Variants in DLG2 observed in about 807,000 individuals in gnomAD.
DLG2 encodes the protein discs large MAGUK scaffold protein 2.
Under a neutral mutation model 132.5 loss-of-function variants are expected in DLG2, and 45 were observed. The observed-to-expected ratio is 0.34, with a 90% CI of 0.27 to 0.44. The LOEUF is 0.44. Ranked by LOEUF, DLG2 falls within the 20% of genes least tolerant of loss-of-function variation. The pLI, the probability that DLG2 is intolerant of heterozygous loss-of-function variation, is 1.00. For synonymous variants in DLG2, 424 were observed against 419.6 expected (o/e 1.01, Z -0.13); for missense variants, 1,045 against 1,196.9 (o/e 0.87, Z 1.87).
chr11:83,750,454 G>C (rs373846654), intron 18 of DLG2, among the ~76,000 whole-genome samples: 1 of 152,094 alleles, frequency 6.6e-6, no homozygotes, highest in Admixed American at 6.5e-5. Flanking sequence ...AGGACTTTTC[G>C]ATTAGATAAT....
intron 3 of DLG2, among the ~76,000 whole-genome samples, chr11:85,287,262 TCACAGCA>T (rs1308996183): frequency 5.3e-5 from 8 of 151,644 alleles, no homozygotes; most frequent in Non-Finnish European, 1.2e-4. Flanking sequence ...GAAGATAATT[TCACAGCA>T]CACAGACAAA....
At chr11:84,006,499 T>C (rs2094578602) in intron 11 of DLG2, among the ~76,000 whole-genome samples, 3 of 151,438 alleles carry the variant, frequency 2.0e-5, no homozygotes, top group African/African-American at 7.3e-5. Context: ...TACTTAAGTA[T>C]TTAACACTTT....
chr11:85,618,345 A>C (rs2153276018), intron 2 of DLG2, among the ~76,000 whole-genome samples: 2 of 152,368 alleles, frequency 1.3e-5, no homozygotes, highest in South Asian at 4.1e-4. Flanking sequence ...TTAAGAAATA[A>C]GCATATAAGG....
At chr11:84,260,297 T>C (rs1393365192) in intron 7 of DLG2, among the ~76,000 whole-genome samples, 1 of 152,174 alleles carries the variant, frequency 6.6e-6, no homozygotes, top group Admixed American at 6.5e-5. Flanking sequence ...CTTCACTTTA[T>C]AAGTTTTTTC....
intron 6 of DLG2, among the ~76,000 whole-genome samples, chr11:84,650,873 G>GTGTGTGTGTGTATATATA (rs1424393386): frequency 4.0e-5 from 5 of 124,008 alleles, no homozygotes; most frequent in African/African-American, 1.6e-4. Context: ...GTGTGTGTGT[G>GTGTGTGTGTGTATATATA]TATATATATA....
chr11:84,055,969 T>G (rs1402823566), intron 11 of DLG2, among the ~76,000 whole-genome samples: 2 of 152,136 alleles, frequency 1.3e-5, no homozygotes, highest in Non-Finnish European at 2.9e-5. Context: ...ATATACATAA[T>G]TCAATCCAGT....
chr11:85,257,104 T>A lies in DLG2; in HGVS notation c.186+28116A>T, dbSNP rs17743080. On this transcript the variant is annotated intron_variant, in intron 4 of 27. Coordinates refer to ENST00000376104, the MANE Select transcript of DLG2 (RefSeq NM_001142699.3). Reference sequence around the variant, plus strand: ...ATCATCTTAGCTAGATAAAGATTGATGCATGCTGTATAGACAGGGAATGAA... The same window carrying A: ...ATCATCTTAGCTAGATAAAGATTGAAGCATGCTGTATAGACAGGGAATGAA... 2.6e-5 allele frequency among the ~76,000 whole-genome samples: 4 copies of A among 152,318 alleles called. No homozygotes were observed. The East Asian group carries it at 5.8e-4, about 22-fold the overall frequency.
chr11:84,251,522 A>G (rs547289594), intron 7 of DLG2, among the ~76,000 whole-genome samples: 1 of 152,172 alleles, frequency 6.6e-6, no homozygotes, highest in Admixed American at 6.5e-5. Context: ...CATTCATATA[A>G]TTTACATTCA....
intron 7 of DLG2, among the ~76,000 whole-genome samples, chr11:84,505,182 A>G (rs1185264065): frequency 6.6e-6 from 1 of 152,160 alleles, no homozygotes; most frequent in Non-Finnish European, 1.5e-5. Flanking sequence ...GTAGTTCTGT[A>G]GCAATGCAAC....
intron 6 of DLG2, among the ~76,000 whole-genome samples, chr11:85,002,504 T>C (rs181297886): frequency 1.3e-3 from 193 of 152,316 alleles, no homozygotes; most frequent in African/African-American, 4.4e-3. Context: ...TCCATGATAA[T>C]TGATCTTTAA....
chr11:84,246,643 A>G (rs538560863), intron 8 of DLG2, among the ~76,000 whole-genome samples: 1 of 152,318 alleles, frequency 6.6e-6, no homozygotes, highest in Admixed American at 6.5e-5. Context: ...GGAAAAATAT[A>G]ATCATGTTAG....
intron 18 of DLG2, chr11:83,643,521 G>C (rs2067206916): frequency 6.6e-6 from 1 of 152,176 alleles, no homozygotes; most frequent in Non-Finnish European, 1.5e-5. Context: ...GCATCCACTA[G>C]GTAAGAAAAC....
chr11:84,834,749 T>G (rs2079501742), intron 6 of DLG2, among the ~76,000 whole-genome samples: 1 of 150,590 alleles, frequency 6.6e-6, no homozygotes, highest in Non-Finnish European at 1.5e-5. Context: ...TGTATGAGAT[T>G]TGGAGTACTA....
At chr11:84,352,934 C>T (rs1567375536) in intron 7 of DLG2, among the ~76,000 whole-genome samples, 1 of 152,158 alleles carries the variant, frequency 6.6e-6, no homozygotes, top group Non-Finnish European at 1.5e-5. Flanking sequence ...CTTCTGTTCT[C>T]TGGATCCTAC....
chr11:84,800,483 T>C (rs1000759067), intron 6 of DLG2: 5 of 152,190 alleles, frequency 3.3e-5, no homozygotes, highest in Non-Finnish European at 5.9e-5. Context: ...ATACTTGACA[T>C]TTTTTAAAAT....
chr11:83,475,902 T>C (rs894009378), intron 22 of DLG2, among the ~76,000 whole-genome samples: 13 of 152,090 alleles, frequency 8.5e-5, no homozygotes, highest in African/African-American at 3.1e-4. Context: ...GGCAACTGTA[T>C]GGCTGAAAGT....
At chr11:83,637,845 C>A (rs1216951176) in intron 18 of DLG2, among the ~76,000 whole-genome samples, 2 of 152,146 alleles carry the variant, frequency 1.3e-5, no homozygotes, top group Non-Finnish European at 2.9e-5. Flanking sequence ...TATCATTCTA[C>A]CTTCTGTATA....
chr11:84,959,087 A>T (rs1436124332), intron 6 of DLG2, among the ~76,000 whole-genome samples: 1 of 152,144 alleles, frequency 6.6e-6, no homozygotes, highest in Non-Finnish European at 1.5e-5. Flanking sequence ...CCAGAGACAA[A>T]ATTATATATA....
intron 18 of DLG2, among the ~76,000 whole-genome samples, chr11:83,674,670 T>C (rs2153581905): frequency 6.6e-6 from 1 of 152,380 alleles, no homozygotes. Context: ...ACCTGGTCAC[T>C]GCACCCTTCT....
Sources: allele counts gnomAD v4.1 joint callset (sites outside exome capture counted in the v4.1 genomes callset), GRCh38; gene constraint gnomAD v4.1.1; transcripts MANE v1.5; gene names NCBI Gene and HGNC (gene_info 2026-07-23, HGNC 2026-07-21).